CSMD1: variants seen among roughly 807,000 people sequenced by gnomAD.
The protein encoded by CSMD1 is CUB and sushi domain-containing protein 1.
Under a neutral mutation model 417.5 loss-of-function variants are expected in CSMD1, and 213 were observed. The ratio of observed to expected loss-of-function variants is 0.51; its 90% confidence interval spans 0.46 to 0.57. The LOEUF (loss-of-function observed/expected upper bound fraction) is 0.57, where lower values mean the gene tolerates loss of function less well. Ranked by LOEUF, CSMD1 falls within the 20% of genes least tolerant of loss-of-function variation. The pLI is 0.00. For synonymous variants in CSMD1, 2,862 were observed against 1,736.8 expected (o/e 1.65, Z -16.11); for missense variants, 6,923 against 4,529.7 (o/e 1.53, Z -15.17).
At chr8:4,891,289 A>T (rs991780528) in intron 1 of CSMD1, among the ~76,000 whole-genome samples, 1 of 152,162 alleles carries the variant, frequency 6.6e-6, no homozygotes, top group African/African-American at 2.4e-5. Flanking sequence ...GAATACTCTT[A>T]CAAGTGAAGA....
At chr8:3,936,711 G>A (rs905483534) in intron 5 of CSMD1, among the ~76,000 whole-genome samples, 3 of 152,138 alleles carry the variant, frequency 2.0e-5, no homozygotes, top group African/African-American at 7.2e-5. Flanking sequence ...GATCTACTAG[G>A]AGATTAATGT....
intron 3 of CSMD1, among the ~76,000 whole-genome samples, chr8:4,155,582 G>C (rs776951835): frequency 6.6e-6 from 1 of 152,134 alleles, no homozygotes; most frequent in African/African-American, 2.4e-5. Flanking sequence ...TCTTTAAATT[G>C]TGAGTCATTT....
intron 5 of CSMD1, among the ~76,000 whole-genome samples, chr8:3,841,809 A>T (rs936284950): frequency 2.6e-5 from 4 of 151,922 alleles, no homozygotes; most frequent in African/African-American, 9.7e-5. Flanking sequence ...TCAGCCCATG[A>T]TCTGTGTTCA....
In CSMD1 at chr8:4,231,891, T is replaced by G. The variant is rs1451378078; in HGVS notation, c.415+188062A>C. Among the ~76,000 whole-genome samples, 34 of 151,980 alleles carry G rather than the reference T, an allele frequency of 2.2e-4. 1 individual carries two copies. Among genetic ancestry groups the G allele is most frequent in the Admixed American group, 2.2e-3 (34 of 15,232 alleles). ...AACACATCAACTCCTAATACTTGTG[T>G]TTTACTAAAATTTCTGAATCTCATA... On this transcript the variant is annotated intron_variant, in intron 3 of 69. Transcript: ENST00000635120.
intron 50 of CSMD1, among the ~76,000 whole-genome samples, chr8:3,047,138 G>A (rs1047587929): frequency 6.6e-6 from 1 of 150,692 alleles, no homozygotes; most frequent in Non-Finnish European, 1.5e-5. Flanking sequence ...AACCCAGGAG[G>A]GGGAGGTTGC....
chr8:4,907,901 A>C (rs759985691), intron 1 of CSMD1, among the ~76,000 whole-genome samples: 2 of 152,148 alleles, frequency 1.3e-5, no homozygotes, highest in Non-Finnish European at 2.9e-5. Context: ...GCCATAACAA[A>C]AAATTGTGTT....
chr8:3,520,841 C>G (rs959777563), intron 10 of CSMD1, among the ~76,000 whole-genome samples: 18 of 152,082 alleles, frequency 1.2e-4, no homozygotes, highest in Admixed American at 3.9e-4. Flanking sequence ...CAAATACAAC[C>G]TCTCCCAGCC....
At position 4,853,584 on chromosome 8, in the gene CSMD1, C is replaced by A. The variant is rs138893247; in HGVS notation, c.85+140748G>T. ...GCTGCCACAAAGGTAGAGTCCCACA[C>A]AGATATTTGAATAGGGCAGTGCCAA... On this transcript the variant is annotated intron_variant, in intron 1 of 69. Transcript: ENST00000635120. Among the ~76,000 whole-genome samples, 82 of 152,324 alleles carry A rather than the reference C, an allele frequency of 5.4e-4. No homozygotes were observed. The East Asian group carries it at 8.9e-3, about 16-fold the overall frequency.
chr8:3,083,648 ATTTTTTTTTTTT>A (rs34049524), intron 49 of CSMD1, among the ~76,000 whole-genome samples: 38 of 13,554 alleles, frequency 2.8e-3, no homozygotes, highest in African/African-American at 0.011. Context: ...ATATATATAT[ATTTTTTTTTTTT>A]TTTTTTTTTT....
chr8:4,894,313 A>C (rs1422964881), intron 1 of CSMD1, among the ~76,000 whole-genome samples: 1 of 151,904 alleles, frequency 6.6e-6, no homozygotes, highest in African/African-American at 2.4e-5. Flanking sequence ...TACATTTTTC[A>C]TTTTTTATTT....
chr8:3,248,035 T>C (rs1799999020), intron 26 of CSMD1, among the ~76,000 whole-genome samples: 2 of 152,118 alleles, frequency 1.3e-5, no homozygotes, highest in Admixed American at 6.5e-5. Context: ...CACTCAAGCA[T>C]GAACAACACC....
chr8:4,219,135 G>C (rs879771869), intron 3 of CSMD1, among the ~76,000 whole-genome samples: 8 of 152,044 alleles, frequency 5.3e-5, no homozygotes, highest in African/African-American at 7.3e-5. Context: ...CCTTTCATCT[G>C]TGCCCTTTTT....
chr8:3,116,140 T>C (rs1414244801), intron 42 of CSMD1, among the ~76,000 whole-genome samples: 2 of 151,958 alleles, frequency 1.3e-5, no homozygotes, highest in Admixed American at 6.5e-5. Context: ...AAGCACCTTT[T>C]GCGTTAAATA....
rs1045451843 is a variant in CSMD1, at chr8:4,435,942, C to T, written c.303-15877G>A. Among the ~76,000 whole-genome samples the T allele has an allele frequency of 6.6e-5, 10 of 152,252 alleles. No individual in the cohort carries two copies. In the East Asian group the frequency reaches 1.7e-3, roughly 27 times the overall value. On this transcript the variant is annotated intron_variant, in intron 2 of 69. Transcript: ENST00000635120. ...TAATTAGAATTTTAACCAAAATCTACATTCTTAGCCTTTACATCCACACAT... is the reference window on the plus strand; with the variant it reads ...TAATTAGAATTTTAACCAAAATCTATATTCTTAGCCTTTACATCCACACAT...
chr8:3,157,819 C>G (rs981151327), intron 39 of CSMD1, 78 bp downstream of exon 39: 3 of 1,192,916 alleles, frequency 2.5e-6, no homozygotes, highest in African/African-American at 1.5e-5. Context: ...GAAGTGCATT[C>G]TTTGACCCCA....
At chr8:3,701,295 G>C (rs182474913) in intron 7 of CSMD1, among the ~76,000 whole-genome samples, 33 of 152,276 alleles carry the variant, frequency 2.2e-4, no homozygotes, top group African/African-American at 7.7e-4. Flanking sequence ...ATATGAGTGA[G>C]CTGGTTTTCT....
At chr8:3,598,568 A>G (rs532110667) in intron 8 of CSMD1, among the ~76,000 whole-genome samples, 1 of 152,230 alleles carries the variant, frequency 6.6e-6, no homozygotes, top group African/African-American at 2.4e-5. Flanking sequence ...TGTCTACAAC[A>G]GAGGAGGACT....
chr8:4,356,194 G>A (rs903714329), intron 3 of CSMD1, among the ~76,000 whole-genome samples: 1 of 152,112 alleles, frequency 6.6e-6, no homozygotes, highest in African/African-American at 2.4e-5. Flanking sequence ...AAATCAGTGG[G>A]AAGATACAAT....
At chr8:3,859,615 G>T (rs987980081) in intron 5 of CSMD1, among the ~76,000 whole-genome samples, 7 of 152,128 alleles carry the variant, frequency 4.6e-5, no homozygotes, top group Admixed American at 3.3e-4. Flanking sequence ...ATTTATGGTG[G>T]GAGCTTTGGT....
Sources: allele counts gnomAD v4.1 joint callset (sites outside exome capture counted in the v4.1 genomes callset), GRCh38; gene constraint gnomAD v4.1.1; transcripts MANE v1.5; gene names NCBI Gene and HGNC (gene_info 2026-07-23, HGNC 2026-07-21).